Variants in ZNF98 observed in about 807,000 individuals in gnomAD.
ZNF98 encodes the protein zinc finger protein 739.
In ZNF98, 8 loss-of-function variants were observed where a neutral mutation model predicts 12.8. The ratio of observed to expected loss-of-function variants is 0.63; its 90% CI spans 0.37 to 1.13. The LOEUF is 1.13. Ranked by LOEUF, ZNF98 falls within the 50% of genes most tolerant of loss-of-function variation. The pLI, the probability that ZNF98 is intolerant of heterozygous loss-of-function variation, is 0.01. For synonymous variants in ZNF98, 112 were observed against 223.5 expected (o/e 0.50, Z 4.45); for missense variants, 379 against 666.1 (o/e 0.57, Z 4.74).
At chr19:22,399,390 C>T (rs1009015886) in intron 3 of ZNF98, among the ~76,000 whole-genome samples, 1 of 152,052 alleles carries the variant, frequency 6.6e-6, no homozygotes, top group African/African-American at 2.4e-5. Flanking sequence ...TAAATATATG[C>T]TATTCTTACA....
intron 1 of ZNF98, among the ~76,000 whole-genome samples, chr19:22,413,086 A>AAAT (rs1482147577): frequency 1.3e-5 from 2 of 151,846 alleles, no homozygotes; most frequent in African/African-American, 2.4e-5. Flanking sequence ...AAATAAAAAA[A>AAAT]AATAATAATA....
At chr19:22,422,132 T>C in intron 1 of ZNF98, 63 bp downstream of exon 1, 1 of 1,605,332 alleles carries the variant, frequency 6.2e-7, no homozygotes, top group Non-Finnish European at 8.5e-7. Flanking sequence ...CGCCACAGCC[T>C]CTTCCCACCG....
chr19:22,404,478 G>A (rs1969497942), intron 1 of ZNF98, among the ~76,000 whole-genome samples: 1 of 152,132 alleles, frequency 6.6e-6, no homozygotes, highest in Non-Finnish European at 1.5e-5. Context: ...ATGCACATCT[G>A]CTGAATAAAG....
chr19:22,421,546 A>C (rs1161836748), intron 1 of ZNF98, among the ~76,000 whole-genome samples: 1 of 152,232 alleles, frequency 6.6e-6, no homozygotes, highest in East Asian at 1.9e-4. Flanking sequence ...GGCTTAAAAA[A>C]TGATAAACTG....
chr19:22,401,588 AT>A (rs1466733660), intron 3 of ZNF98, among the ~76,000 whole-genome samples: 1 of 151,506 alleles, frequency 6.6e-6, no homozygotes, highest in Non-Finnish European at 1.5e-5. Flanking sequence ...GGTTCAAGCA[AT>A]TCTTCCGCCT....
chr19:22,395,429 A>G (rs1434274468), intron 3 of ZNF98, among the ~76,000 whole-genome samples: 1 of 152,112 alleles, frequency 6.6e-6, no homozygotes, highest in Non-Finnish European at 1.5e-5. Flanking sequence ...AATTTCATCA[A>G]AAATACCATA....
At chr19:22,401,320 A>C (rs1167869441) in intron 3 of ZNF98, among the ~76,000 whole-genome samples, 7 of 152,166 alleles carry the variant, frequency 4.6e-5, no homozygotes, top group Non-Finnish European at 1.0e-4. Flanking sequence ...ACTATCTGAC[A>C]AAAGAGAGAC....
intron 3 of ZNF98, among the ~76,000 whole-genome samples, chr19:22,400,172 C>A (rs985931577): frequency 2.0e-5 from 3 of 152,172 alleles, no homozygotes; most frequent in African/African-American, 7.2e-5. Flanking sequence ...AGGTCTTGCC[C>A]TTTCAGAGGT....
chr19:22,406,479 A>C, intron 1 of ZNF98, among the ~76,000 whole-genome samples: 1 of 152,178 alleles, frequency 6.6e-6, no homozygotes, highest in African/African-American at 2.4e-5. Flanking sequence ...GCAGCCTCAA[A>C]GATCAAAACT....
intron 1 of ZNF98, among the ~76,000 whole-genome samples, chr19:22,410,470 A>C (rs938989106): frequency 3.3e-5 from 5 of 152,194 alleles, no homozygotes; most frequent in Non-Finnish European, 7.3e-5. Context: ...TTAAGCTGGA[A>C]GTCATCATCC....
intron 3 of ZNF98, among the ~76,000 whole-genome samples, chr19:22,395,401 T>C (rs1357944890): frequency 6.6e-6 from 1 of 151,566 alleles, no homozygotes; most frequent in Non-Finnish European, 1.5e-5. Flanking sequence ...TTACAATGTA[T>C]ACAAAACAGG....
At chr19:22,409,963 C>T (rs529102424) in intron 1 of ZNF98, among the ~76,000 whole-genome samples, 2 of 147,014 alleles carry the variant, frequency 1.4e-5, no homozygotes, top group Admixed American at 6.8e-5. Flanking sequence ...ACAAACACTT[C>T]TAAGAAGGCA....
chr19:22,418,347 C>G (rs987092033), intron 1 of ZNF98, among the ~76,000 whole-genome samples: 1 of 151,840 alleles, frequency 6.6e-6, no homozygotes, highest in Non-Finnish European at 1.5e-5. Flanking sequence ...AAATATAACC[C>G]CCAAAAGAGT....
chr19:22,419,245 G>C (rs1210886601), intron 1 of ZNF98, among the ~76,000 whole-genome samples: 2 of 152,030 alleles, frequency 1.3e-5, no homozygotes, highest in Non-Finnish European at 2.9e-5. Flanking sequence ...ATTTTAAATA[G>C]TCTAGAAACT....
intron 3 of ZNF98, 102 bp downstream of exon 3, chr19:22,402,687 G>C: frequency 8.4e-7 from 1 of 1,187,314 alleles, no homozygotes; most frequent in Middle Eastern, 2.0e-4. Flanking sequence ...ATTTCCTTTG[G>C]AACACAGATT....
rs767999532 is a variant in ZNF98 at position 22,392,687 on chromosome 19, T to C, written c.548A>G (p.Lys183Arg). The C allele has an allele frequency of 1.3e-6, 2 of 1,597,396 alleles. No individual in the cohort carries two copies. Among genetic ancestry groups the C allele is most frequent in the Admixed American group, 3.6e-5 (2 of 56,008 alleles). ...KIGHTGKKSF[K>R]CKECEKSFCM... is the part of the protein sequence containing the mutation. ...AAATGACTTTTCACATTCTTTACACTTGAAAGATTTCTTTCCAGTATGTCC... is the reference window on the plus strand; with the variant it reads ...AAATGACTTTTCACATTCTTTACACCTGAAAGATTTCTTTCCAGTATGTCC... Residue 183 changes from lysine (K) to arginine (R), a missense_variant, in exon 4 of 4, where the codon AAG becomes AGG. This residue lies in a region of ZNF98 where 223 missense variants were observed against 261.6 expected (regional missense o/e 0.85). Coordinates refer to ENST00000357774, the MANE Select transcript of ZNF98 (RefSeq NM_001098626.2).
chr19:22,396,279 G>A (rs1296669311), intron 3 of ZNF98, among the ~76,000 whole-genome samples: 1 of 152,056 alleles, frequency 6.6e-6, no homozygotes, highest in African/African-American at 2.4e-5. Flanking sequence ...TAATGAGGAA[G>A]ATTTTTTTAT....
rs753961119 is a variant in ZNF98, at chr19:22,391,716, T to C, written c.1519A>G (p.Thr507Ala). 21 of 1,614,078 alleles carry C rather than the reference T, an allele frequency of 1.3e-5. No individual in the cohort carries two copies. In the Admixed American group the frequency reaches 3.5e-4, roughly 27 times the overall value. Reference sequence around the variant, plus strand: ...TCTCCAGTATGAATCATCTTATGTGTAGTAAGGTGTGAGGACTGGTTAAAA... The same window carrying C: ...TCTCCAGTATGAATCATCTTATGTGCAGTAAGGTGTGAGGACTGGTTAAAA... ...KAFNQSSHLTTHKMIHTGEKP... is the reference protein window; with the variant it reads ...KAFNQSSHLTAHKMIHTGEKP... The change falls in exon 4 of 4, where the codon ACA (threonine) becomes GCA (alanine). Residue 507 changes from threonine to alanine, a missense_variant. Physicochemically the swap from Thr to Ala is moderately conservative, Grantham distance 58. This residue lies in a region of ZNF98 where 59 missense variants were observed against 50.3 expected (regional missense o/e 1.17). Coordinates refer to ENST00000357774, the MANE Select transcript of ZNF98 (RefSeq NM_001098626.2).
At chr19:22,407,919 A>C (rs1969539970) in intron 1 of ZNF98, among the ~76,000 whole-genome samples, 1 of 151,562 alleles carries the variant, frequency 6.6e-6, no homozygotes, top group Non-Finnish European at 1.5e-5. Context: ...AAAGTACAAA[A>C]AATTAGCCAG....
Sources: allele counts gnomAD v4.1 joint callset (sites outside exome capture counted in the v4.1 genomes callset), GRCh38; gene constraint gnomAD v4.1.1; regional missense constraint gnomAD v4.1.1; transcripts MANE v1.5; gene names NCBI Gene and HGNC (gene_info 2026-07-23, HGNC 2026-07-21).